The following INPP4B variants were observed in gnomAD, a reference collection of about 807,000 sequenced individuals.
INPP4B encodes inositol polyphosphate 4-phosphatase type II.
Under a neutral mutation model 122.5 loss-of-function variants are expected in INPP4B, and 55 were observed. The observed-to-expected ratio is 0.45, with a 90% CI of 0.36 to 0.56. INPP4B has a LOEUF of 0.56. INPP4B is among the 20% of genes least tolerant of loss of function. The pLI is 0.00. For missense variants in INPP4B, 1,000 were observed against 1,097.7 expected (o/e 0.91, Z 1.26); for synonymous variants, 403 against 388.7 (o/e 1.04, Z -0.43).
In INPP4B at chr4:142,806,751, G is replaced by A. The variant is rs536053927; in HGVS notation, c.-254+39458C>T. Among the ~76,000 whole-genome samples the A allele has an allele frequency of 2.7e-3, 253 of 92,466 alleles. 1 individual carries two copies. The highest frequency in any genetic ancestry group is 0.01 in the African/African-American group (239 of 23,246). The allele number at this position is 92,466 out of a possible 152,430, so 60.7% of individuals were successfully genotyped here. A position where few individuals can be genotyped will look rare whatever the true frequency, so the allele number is the denominator to read the frequency against. ...AGAGCAAGACCCTGTTAAAAAAAAA[G>A]AAGAAGAAGAAAGAAGAAAGAAAGA... On this transcript the variant is annotated intron_variant, in intron 1 of 25. Transcript: ENST00000262992.
intron 2 of INPP4B, among the ~76,000 whole-genome samples, chr4:142,589,484 C>T (rs4361463): frequency 0.014 from 2,144 of 151,952 alleles, 40 homozygotes; most frequent in African/African-American, 0.041. Flanking sequence ...ACAGATAGCT[C>T]ATCAAAAAAA....
At chr4:142,816,451 G>A (rs994844567) in intron 1 of INPP4B, among the ~76,000 whole-genome samples, 35 of 151,890 alleles carry the variant, frequency 2.3e-4, no homozygotes, top group Admixed American at 2.1e-3. Flanking sequence ...TTTAAAGATC[G>A]TTGAAGTTAA....
At chr4:142,581,069 G>T (rs1050429172) in intron 2 of INPP4B, among the ~76,000 whole-genome samples, 7 of 151,936 alleles carry the variant, frequency 4.6e-5, no homozygotes, top group Non-Finnish European at 8.8e-5. Context: ...CTTATTTCTT[G>T]AAGGGGCAAA....
chr4:142,252,555 C>T (rs1732860146), intron 11 of INPP4B, among the ~76,000 whole-genome samples: 1 of 152,146 alleles, frequency 6.6e-6, no homozygotes, highest in East Asian at 1.9e-4. Flanking sequence ...CATAATTTTA[C>T]ATATTCATAT....
At chr4:142,548,234 C>T (rs1727084976) in intron 2 of INPP4B, among the ~76,000 whole-genome samples, 1 of 152,086 alleles carries the variant, frequency 6.6e-6, no homozygotes, top group Non-Finnish European at 1.5e-5. Context: ...ATGTTTCCAG[C>T]ATGAGAGAAT....
At position 142,207,364 on chromosome 4, in the gene INPP4B, A is replaced by T. The variant is rs1166206480; in HGVS notation, c.1072+1061T>A. Among the ~76,000 whole-genome samples, 3 of 152,012 alleles carry T rather than the reference A, an allele frequency of 2.0e-5. No individual in the cohort carries two copies. In the East Asian group the frequency reaches 5.8e-4, roughly 29 times the overall value. On this transcript the variant is annotated intron_variant, in intron 14 of 25. Transcript: ENST00000262992. ...TTTTAGTTTTTTTAGGAACCTCCATATTTGTTTTTACCATAGTGGCTATAC... is the reference window on the plus strand; with the variant it reads ...TTTTAGTTTTTTTAGGAACCTCCATTTTTGTTTTTACCATAGTGGCTATAC...
At chr4:142,331,993 G>A (rs1384651216) in intron 7 of INPP4B, among the ~76,000 whole-genome samples, 1 of 152,182 alleles carries the variant, frequency 6.6e-6, no homozygotes, top group Non-Finnish European at 1.5e-5. Flanking sequence ...GGGTTTCTGT[G>A]TTGAAGTCTA....
At chr4:142,628,654 T>G (rs1424715810) in intron 2 of INPP4B, among the ~76,000 whole-genome samples, 1 of 152,042 alleles carries the variant, frequency 6.6e-6, no homozygotes, top group Admixed American at 6.6e-5. Flanking sequence ...GCGTAGGTTA[T>G]TTATATTTTT....
In INPP4B at chr4:142,315,025, CTT is replaced by C. The variant is rs560291982; in HGVS notation, c.373-265_373-264del. On this transcript the variant is annotated intron_variant, in intron 7 of 25. Coordinates refer to ENST00000262992, the MANE Select transcript of INPP4B (RefSeq NM_001101669.3). ...ATATATCCAGGATTTAGGCAGATCTCTTTAATCTCCTAAAAAGGCAATCTTCA... is the reference window on the plus strand; with the variant it reads ...ATATATCCAGGATTTAGGCAGATCTCTAATCTCCTAAAAAGGCAATCTTCA... 1.1e-4 allele frequency among the ~76,000 whole-genome samples: 16 copies of C among 152,210 alleles called. 1 individual carries two copies. In the South Asian group the frequency reaches 3.3e-3, roughly 32 times the overall value.
intron 25 of INPP4B, among the ~76,000 whole-genome samples, chr4:142,058,691 T>A: frequency 6.6e-6 from 1 of 152,126 alleles, no homozygotes; most frequent in East Asian, 1.9e-4. Flanking sequence ...AAGTAATATT[T>A]TAAATGTCAC....
intron 25 of INPP4B, chr4:142,029,795 ATTTC>A: frequency 3.0e-6 from 3 of 1,004,266 alleles, no homozygotes; most frequent in Non-Finnish European, 3.6e-6. Flanking sequence ...TTCAGTCTTA[ATTTC>A]TTTAATAAAT....
chr4:142,270,774 T>C lies in INPP4B; in HGVS notation c.504A>G (p.Arg168=). Reference sequence around the variant, plus strand: ...CAACCACTTTGCCACCATCTGAAGTTCTGCAACAAAAAATACACGAAATGG... The same window carrying C: ...CAACCACTTTGCCACCATCTGAAGTCCTGCAACAAAAAATACACGAAATGG... ...SKEQLLVLSL[R]TSDGGKVVGT... Residue 168 remains arginine, a splice_region_variant and synonymous_variant, in exon 10 of 26, where the codon AGA becomes AGG. Coordinates refer to ENST00000262992, the MANE Select transcript of INPP4B (RefSeq NM_001101669.3). The C allele has an allele frequency of 6.2e-7, 1 of 1,602,774 alleles. No homozygotes were observed. The highest frequency in any genetic ancestry group is 8.5e-7 in the Non-Finnish European group (1 of 1,169,898).
chr4:142,677,360 TG>T (rs1264415538), intron 2 of INPP4B, among the ~76,000 whole-genome samples: 1 of 151,636 alleles, frequency 6.6e-6, no homozygotes, highest in Non-Finnish European at 1.5e-5. Context: ...CTGGAGAGGG[TG>T]GGGAGAAATA....
intron 3 of INPP4B, among the ~76,000 whole-genome samples, chr4:142,441,110 A>G (rs1027356793): frequency 2.0e-5 from 3 of 152,202 alleles, no homozygotes; most frequent in African/African-American, 4.8e-5. Flanking sequence ...CACATTAGAT[A>G]TACTTAAGCA....
At chr4:142,696,628 C>T (rs1380894286) in intron 2 of INPP4B, among the ~76,000 whole-genome samples, 1 of 152,174 alleles carries the variant, frequency 6.6e-6, no homozygotes, top group East Asian at 1.9e-4. Flanking sequence ...AGTGCCCACT[C>T]AACCCTGCGT....
intron 2 of INPP4B, among the ~76,000 whole-genome samples, chr4:142,638,841 C>T (rs894319713): frequency 1.3e-5 from 2 of 152,170 alleles, no homozygotes; most frequent in African/African-American, 2.4e-5. Flanking sequence ...CCACCATGCC[C>T]GGCCTAGTTG....
At chr4:142,705,326 T>A (rs1367143933) in intron 2 of INPP4B, among the ~76,000 whole-genome samples, 1 of 152,064 alleles carries the variant, frequency 6.6e-6, no homozygotes, top group Non-Finnish European at 1.5e-5. Flanking sequence ...GAATGTATCA[T>A]CTCCCACAGA....
intron 3 of INPP4B, among the ~76,000 whole-genome samples, chr4:142,461,382 G>A (rs147532430): frequency 6.6e-6 from 1 of 152,248 alleles, no homozygotes; most frequent in African/African-American, 2.4e-5. Flanking sequence ...AATTTGTGTA[G>A]TTTTTCTCCG....
At chr4:142,353,692 T>C (rs1220240791) in intron 7 of INPP4B, among the ~76,000 whole-genome samples, 1 of 152,048 alleles carries the variant, frequency 6.6e-6, no homozygotes, top group African/African-American at 2.4e-5. Flanking sequence ...AAGATAAATA[T>C]TGTACAAAGG....
Sources: gnomAD v4.1 joint callset for allele counts (sites outside exome capture counted in the v4.1 genomes callset) on GRCh38, gnomAD v4.1.1 for gene constraint, MANE v1.5 for transcripts, NCBI Gene and HGNC (gene_info 2026-07-23, HGNC 2026-07-21) for gene names.